The following LYRM1 variants were observed in gnomAD, a reference collection of about 807,000 sequenced individuals.
The protein encoded by LYRM1 is LYR motif containing 1, also known as LYR motif-containing protein 1.
LYRM1 carries 14 observed loss-of-function variants against 14.9 expected under a neutral mutation model. The ratio of observed to expected loss-of-function variants is 0.94; its 90% CI spans 0.62 to 1.47. LYRM1 has a LOEUF of 1.47. LYRM1 is among the 40% of genes most tolerant of loss of function. The pLI, the probability that LYRM1 is intolerant of heterozygous loss-of-function variation, is 0.00. For synonymous variants in LYRM1, 43 were observed against 56.2 expected (o/e 0.77, Z 1.05); for missense variants, 153 against 149.9 (o/e 1.02, Z -0.11).
chr16:20,919,874 A>G (rs748190642), intron 2 of LYRM1, among the ~76,000 whole-genome samples: 10 of 152,268 alleles, frequency 6.6e-5, no homozygotes, highest in Non-Finnish European at 1.3e-4. Context: ...AGGAACTGGA[A>G]TAGAGGAGTA....
chr16:20,904,691 TTGTGTGTGTGTGTGTG>T (rs3841490), intron 1 of LYRM1, among the ~76,000 whole-genome samples: 1 of 141,062 alleles, frequency 7.1e-6, no homozygotes, highest in Admixed American at 7.1e-5. Context: ...AAGTCTGTGG[TTGTGTGTGTGTGTGTG>T]TGTGTGTGTG....
intron 1 of LYRM1, among the ~76,000 whole-genome samples, chr16:20,907,073 G>A (rs1384681194): frequency 3.3e-5 from 5 of 152,116 alleles, no homozygotes; most frequent in Non-Finnish European, 2.9e-5. Context: ...TTTGGCTCTT[G>A]ACCCTGACTC....
At position 20,901,165 on chromosome 16, in the gene LYRM1, G is replaced by A. The variant is rs1336562301; in HGVS notation, c.-1+276G>A. The A allele has an allele frequency of 2.0e-5, 3 of 152,412 alleles. No individual in the cohort carries two copies. Among genetic ancestry groups the A allele is most frequent in the Non-Finnish European group, 4.4e-5 (3 of 68,204 alleles). 9.4% of individuals were successfully genotyped at this position (152,412 alleles called of 1,614,324 possible). The stretch of plus-strand genomic sequence containing the variant: ...CCCCTCGGAGGCTGTGAATCTTTTG[G>A]ACCCCCGAATGTAAATGGGAGATGG... On this transcript the variant is annotated intron_variant, in intron 1 of 3. Transcript: ENST00000567954. The surrounding 1 kb of genome is among the most constrained non-coding windows in gnomAD (Gnocchi z 4.6).
chr16:20,914,971 G>A (rs1229466788), intron 1 of LYRM1, among the ~76,000 whole-genome samples: 1 of 152,200 alleles, frequency 6.6e-6, no homozygotes, highest in Non-Finnish European at 1.5e-5. Context: ...CTGGCTTAAA[G>A]AATAATAAGT....
At chr16:20,919,270 T>A (rs2083064640) in intron 2 of LYRM1, among the ~76,000 whole-genome samples, 1 of 136,270 alleles carries the variant, frequency 7.3e-6, no homozygotes, top group African/African-American at 2.7e-5. Flanking sequence ...AGTGTCCTAC[T>A]CTGGGGGTTT....
At chr16:20,903,698 T>C (rs1271658352) in intron 1 of LYRM1, among the ~76,000 whole-genome samples, 1 of 151,964 alleles carries the variant, frequency 6.6e-6, no homozygotes, top group African/African-American at 2.4e-5. Flanking sequence ...GATGGGAAAG[T>C]TGCGCATTCA....
intron 1 of LYRM1, among the ~76,000 whole-genome samples, chr16:20,908,476 G>A (rs2152534542): frequency 6.6e-6 from 1 of 152,310 alleles, no homozygotes; most frequent in African/African-American, 2.4e-5. Context: ...TCCTAGCCCT[G>A]CCTATTGTTA....
rs2152560949 is a variant in LYRM1, at chr16:20,924,115, A to T, written c.368A>T (p.Ter123LeuextTer16). The change falls in exon 4 of 4, where the codon TAA becomes TTA. Residue 123 changes from the stop codon to leucine (L), a stop_lost. Coordinates refer to ENST00000567954, the MANE Select transcript of LYRM1 (RefSeq NM_001128302.3). ...VYLRSHDEVS[*>L] ...CTCAGATCTCATGATGAAGTTTCCT[A>T]ATCTAGAGGAAAGTTTATTTCTGCA... The T allele has an allele frequency of 6.6e-7, 1 of 1,526,284 alleles. No homozygotes were observed. The highest frequency in any genetic ancestry group is 1.2e-5 in the South Asian group (1 of 86,894). 94.5% of individuals were successfully genotyped at this position (1,526,284 alleles called of 1,614,324 possible). A position where few individuals can be genotyped will look rare whatever the true frequency, so the allele number is the denominator to read the frequency against.
chr16:20,924,649 T>C lies in LYRM1; in HGVS notation c.*533T>C, dbSNP rs1329881239. 1 of 152,292 alleles carries C rather than the reference T, an allele frequency of 6.6e-6. No individual in the cohort carries two copies. The highest frequency in any genetic ancestry group is 6.5e-5 in the Admixed American group (1 of 15,298). 9.4% of individuals were successfully genotyped at this position (152,292 alleles called of 1,614,324 possible). A position where few individuals can be genotyped will look rare whatever the true frequency, so the allele number is the denominator to read the frequency against. Reference sequence around the variant, plus strand: ...AAGTGCATCATTGGATTGACCATGGTTTTTCATGAAATTTTATGAGATTTC... The same window carrying C: ...AAGTGCATCATTGGATTGACCATGGCTTTTCATGAAATTTTATGAGATTTC... On this transcript the variant is annotated 3_prime_UTR_variant, in exon 4 of 4. Transcript: ENST00000567954.
At position 20,917,015 on chromosome 16, in the gene LYRM1, C is replaced by T. The variant is rs372575102; in HGVS notation, c.159+1301C>T. 1.1e-3 allele frequency among the ~76,000 whole-genome samples: 157 copies of T among 146,022 alleles called. 4 individuals are homozygous for T. In the South Asian group the frequency reaches 0.03, roughly 27 times the overall value. ...GGAGGGTCAGTTGAGCCCAGGAGTT[C>T]GAGACAAACCTGGGCAACATAGCGA... On this transcript the variant is annotated intron_variant, in intron 2 of 3. Coordinates refer to ENST00000567954, the MANE Select transcript of LYRM1 (RefSeq NM_001128302.3).
intron 3 of LYRM1, among the ~76,000 whole-genome samples, chr16:20,923,497 T>TTA (rs1350501647): frequency 2.2e-5 from 1 of 45,932 alleles, no homozygotes; most frequent in East Asian, 3.8e-4. Flanking sequence ...AAACTGTGTC[T>TTA]CAAAAAAAAA....
In LYRM1 at chr16:20,915,542, T is replaced by G. The variant is rs1178302047; in HGVS notation, c.1-14T>G. ...TATGCAAATTTTCCCTCTTCTATTTTGGTGGGTCTGAAGATGACAACGGCA... is the reference window on the plus strand; with the variant it reads ...TATGCAAATTTTCCCTCTTCTATTTGGGTGGGTCTGAAGATGACAACGGCA... On this transcript the variant is annotated splice_polypyrimidine_tract_variant and intron_variant, in intron 1 of 3. Coordinates refer to ENST00000567954, the MANE Select transcript of LYRM1 (RefSeq NM_001128302.3). 1.2e-6 allele frequency: 2 copies of G among 1,610,276 alleles called. No homozygotes were observed. The highest frequency in any genetic ancestry group is 2.2e-5 in the East Asian group (1 of 44,758).
chr16:20,913,947 G>C (rs559051260), intron 1 of LYRM1, among the ~76,000 whole-genome samples: 1 of 151,662 alleles, frequency 6.6e-6, no homozygotes, highest in Non-Finnish European at 1.5e-5. Flanking sequence ...TAGCTGGGAC[G>C]ATAGGCACTC....
intron 1 of LYRM1, among the ~76,000 whole-genome samples, chr16:20,915,200 C>T (rs1567456698): frequency 6.6e-6 from 1 of 152,160 alleles, no homozygotes; most frequent in African/African-American, 2.4e-5. Flanking sequence ...CAGCTGGGCA[C>T]GGTGGCTCAC....
At chr16:20,906,152 A>G (rs1188417414) in intron 1 of LYRM1, among the ~76,000 whole-genome samples, 2 of 152,218 alleles carry the variant, frequency 1.3e-5, no homozygotes, top group Non-Finnish European at 2.9e-5. Context: ...ATTATGATAG[A>G]GTAGGATGAA....
At chr16:20,918,514 A>G (rs1374298597) in intron 2 of LYRM1, among the ~76,000 whole-genome samples, 1 of 152,170 alleles carries the variant, frequency 6.6e-6, no homozygotes, top group East Asian at 1.9e-4. Flanking sequence ...AAATTTTAAC[A>G]TTAGTATAAG....
intron 2 of LYRM1, among the ~76,000 whole-genome samples, chr16:20,918,902 C>T (rs1315121167): frequency 6.6e-6 from 1 of 152,070 alleles, no homozygotes; most frequent in Non-Finnish European, 1.5e-5. Context: ...CATTGCTGTT[C>T]CTGGAACTCT....
Position 20,920,859 on chromosome 16 carries a change from G to A in LYRM1, c.252+645G>A, listed in dbSNP as rs536233253. Among the ~76,000 whole-genome samples the A allele has an allele frequency of 9.2e-5, 14 of 152,070 alleles. No individual in the cohort carries two copies. The East Asian group carries it at 2.7e-3, about 29-fold the overall frequency. The stretch of plus-strand genomic sequence containing the variant: ...CCCATGATCACACCACTGCGCTCCA[G>A]CCTGGGTGACAGAGTGAGACCCTGT... On this transcript the variant is annotated intron_variant, in intron 3 of 3. Coordinates refer to ENST00000567954, the MANE Select transcript of LYRM1 (RefSeq NM_001128302.3).
rs568922315 is a variant in LYRM1 at position 20,924,266 on chromosome 16, T to C, written c.*150T>C. On this transcript the variant is annotated 3_prime_UTR_variant, in exon 4 of 4. Transcript: ENST00000567954. ...TCTCCCCCTGTGATGTAAACTTAGATATCCCTAGAGTTTCTCAGCATCTTT... is the reference window on the plus strand; with the variant it reads ...TCTCCCCCTGTGATGTAAACTTAGACATCCCTAGAGTTTCTCAGCATCTTT... 20 of 591,624 alleles carry C rather than the reference T, an allele frequency of 3.4e-5. No individual in the cohort carries two copies. Among genetic ancestry groups the C allele is most frequent in the Non-Finnish European group, 5.8e-5 (19 of 329,326 alleles). 36.6% of individuals were successfully genotyped at this position (591,624 alleles called of 1,614,324 possible).
Sources: gnomAD v4.1 joint callset for allele counts (sites outside exome capture counted in the v4.1 genomes callset) on GRCh38, gnomAD v4.1.1 for gene constraint, Gnocchi (gnomAD v3.1) non-coding constraint, MANE v1.5 for transcripts, NCBI Gene and HGNC (gene_info 2026-07-23, HGNC 2026-07-21) for gene names.